NSUN3: variants seen among roughly 807,000 people sequenced by gnomAD.
The protein encoded by NSUN3 is NOP2/Sun RNA methyltransferase 3, also known as tRNA (cytosine(34)-C(5))-methyltransferase, mitochondrial.
In NSUN3, 24 loss-of-function variants were observed where a neutral mutation model predicts 36.8. The observed-to-expected ratio is 0.65, with a 90% CI of 0.47 to 0.92. NSUN3 has a LOEUF of 0.92. NSUN3 is among the 40% of genes least tolerant of loss of function. The pLI is 0.00. For synonymous variants in NSUN3, 146 were observed against 145.2 expected, an observed-to-expected ratio of 1.01 and a Z score of -0.04; for missense variants, 381 against 392.8, an observed-to-expected ratio of 0.97 and a Z score of 0.25.
chr3:94,123,983 G>T (rs2077474575), intron 5 of NSUN3, among the ~76,000 whole-genome samples: 1 of 151,548 alleles, frequency 6.6e-6, no homozygotes, highest in African/African-American at 2.4e-5. Flanking sequence ...GTACATATAT[G>T]TATGTATGTA....
chr3:94,084,513 G>C, intron 3 of NSUN3, 63 bp downstream of exon 3: 1 of 1,268,516 alleles, frequency 7.9e-7, no homozygotes, highest in Admixed American at 2.3e-5. Flanking sequence ...AGAGAATTCT[G>C]AAAGTATATA....
intron 2 of NSUN3, among the ~76,000 whole-genome samples, chr3:94,065,413 A>C (rs1053829672): frequency 1.3e-5 from 2 of 152,190 alleles, no homozygotes. Flanking sequence ...AAGAAGGTGC[A>C]CTGTTCATGA....
intron 2 of NSUN3, among the ~76,000 whole-genome samples, chr3:94,078,433 T>A (rs1301406844): frequency 1.3e-5 from 2 of 152,322 alleles, no homozygotes; most frequent in East Asian, 3.9e-4. Context: ...GGTGGAGAGT[T>A]CTGTAGATGT....
intron 5 of NSUN3, among the ~76,000 whole-genome samples, chr3:94,109,852 A>G (rs2077408731): frequency 6.6e-6 from 1 of 152,182 alleles, no homozygotes; most frequent in African/African-American, 2.4e-5. Context: ...GATATATGAC[A>G]TTTTATTACC....
chr3:94,092,669 C>T lies in NSUN3; in HGVS notation c.467-1471C>T, dbSNP rs141313047. 7.0e-3 allele frequency among the ~76,000 whole-genome samples: 1,063 copies of T among 151,876 alleles called. 10 individuals carry two copies. The highest frequency in any genetic ancestry group is 0.024 in the African/African-American group (992 of 41,406). On this transcript the variant is annotated intron_variant, in intron 3 of 5. Coordinates refer to ENST00000314622, the MANE Select transcript of NSUN3 (RefSeq NM_022072.5). ...CTGTAATCCCAGCACGATGGGAGAC[C>T]GAGGTAGGTAGGTCACCTGAGGTCA...
At chr3:94,083,217 A>G (rs1355537400) in intron 2 of NSUN3, among the ~76,000 whole-genome samples, 1 of 152,000 alleles carries the variant, frequency 6.6e-6, no homozygotes, top group African/African-American at 2.4e-5. Context: ...AGTAATCATA[A>G]TGTTAACAGT....
At chr3:94,068,783 A>T (rs1490156454) in intron 2 of NSUN3, among the ~76,000 whole-genome samples, 1 of 100,432 alleles carries the variant, frequency 1.0e-5, no homozygotes, top group African/African-American at 5.4e-5. Flanking sequence ...AGGAAAAAAA[A>T]ATACACACAC....
chr3:94,122,554 T>C (rs958533437), intron 5 of NSUN3, among the ~76,000 whole-genome samples: 2 of 152,186 alleles, frequency 1.3e-5, no homozygotes, highest in Non-Finnish European at 2.9e-5. Context: ...ACTCAGTTTC[T>C]CTCTGTCGGC....
At chr3:94,072,733 G>C (rs1452722210) in intron 2 of NSUN3, among the ~76,000 whole-genome samples, 1 of 152,010 alleles carries the variant, frequency 6.6e-6, no homozygotes, top group Non-Finnish European at 1.5e-5. Context: ...GCCTTATTTT[G>C]TCTAGTCACT....
At chr3:94,103,545 T>A (rs904332441) in intron 5 of NSUN3, among the ~76,000 whole-genome samples, 10 of 151,332 alleles carry the variant, frequency 6.6e-5, no homozygotes, top group Non-Finnish European at 1.2e-4. Context: ...GTAGAGTAAT[T>A]TATATATATA....
At chr3:94,099,175 C>T (rs1447821693) in intron 5 of NSUN3, among the ~76,000 whole-genome samples, 1 of 152,078 alleles carries the variant, frequency 6.6e-6, no homozygotes, top group Non-Finnish European at 1.5e-5. Flanking sequence ...AAGCAATTCC[C>T]ATAATTTATT....
At chr3:94,079,905 C>T (rs2077260867) in intron 2 of NSUN3, among the ~76,000 whole-genome samples, 1 of 151,948 alleles carries the variant, frequency 6.6e-6, no homozygotes, top group South Asian at 2.1e-4. Context: ...TTTGTTATAA[C>T]CCACCTTCTG....
chr3:94,076,041 A>T, intron 2 of NSUN3: 1 of 1,607,466 alleles, frequency 6.2e-7, no homozygotes, highest in South Asian at 1.1e-5. Flanking sequence ...TTGGGATTCC[A>T]GGAGAAATCA....
intron 2 of NSUN3, among the ~76,000 whole-genome samples, chr3:94,074,725 A>G (rs968581051): frequency 2.0e-5 from 3 of 152,216 alleles, no homozygotes; most frequent in African/African-American, 7.2e-5. Flanking sequence ...GGGGCTTTCT[A>G]AATATACAAT....
intron 3 of NSUN3, among the ~76,000 whole-genome samples, chr3:94,087,675 T>G (rs977277618): frequency 6.6e-6 from 1 of 152,206 alleles, no homozygotes; most frequent in African/African-American, 2.4e-5. Flanking sequence ...CAGTGATAAC[T>G]TTTTTGGTTT....
intron 5 of NSUN3, among the ~76,000 whole-genome samples, chr3:94,124,105 GC>G (rs2077475028): frequency 6.7e-6 from 1 of 150,342 alleles, no homozygotes; most frequent in Non-Finnish European, 1.5e-5. Flanking sequence ...AGACTGTGTG[GC>G]TTAAACAATA....
At chr3:94,098,125 A>G (rs1416232028) in intron 5 of NSUN3, among the ~76,000 whole-genome samples, 1 of 152,142 alleles carries the variant, frequency 6.6e-6, no homozygotes, top group African/African-American at 2.4e-5. Context: ...TCTCTTCTCG[A>G]TTTTAGTAAA....
chr3:94,122,946 C>T (rs1035408612), intron 5 of NSUN3, among the ~76,000 whole-genome samples: 1 of 152,108 alleles, frequency 6.6e-6, no homozygotes, highest in Non-Finnish European at 1.5e-5. Flanking sequence ...TAAATATTGT[C>T]CACTGCATAA....
rs748852250 is a variant in NSUN3, at chr3:94,126,295, C to T, written c.828C>T (p.Ile276=). 6.2e-7 allele frequency: 1 copy of T among 1,614,058 alleles called. No homozygotes were observed. The highest frequency in any genetic ancestry group is 1.1e-5 in the South Asian group (1 of 91,072). The change falls in exon 6 of 6, where the codon ATC becomes ATT. Residue 276 remains isoleucine, a synonymous_variant. Coordinates refer to ENST00000314622, the MANE Select transcript of NSUN3 (RefSeq NM_022072.5). ...TLSKAENQDV[I]SEILNSHGNI... is the part of the protein sequence containing the mutation. ...CCAAGGCAGAAAATCAAGATGTGAT[C>T]AGTGAAATTTTAAACTCCCACGGTA...
Sources: gnomAD v4.1 joint callset for allele counts (sites outside exome capture counted in the v4.1 genomes callset) on GRCh38, gnomAD v4.1.1 for gene constraint, MANE v1.5 for transcripts, NCBI Gene and HGNC (gene_info 2026-07-23, HGNC 2026-07-21) for gene names.